Variants in SIGLEC12 observed in about 807,000 individuals in gnomAD.
SIGLEC12 encodes the protein sialic acid binding Ig like lectin 12.
SIGLEC12 carries 43 observed loss-of-function variants against 54.1 expected under a neutral mutation model. The observed-to-expected ratio is 0.80, with a 90% CI of 0.62 to 1.03. The LOEUF (loss-of-function observed/expected upper bound fraction) is 1.03. SIGLEC12 is among the 50% of genes least tolerant of loss of function. The pLI is 0.00. For synonymous variants in SIGLEC12, 357 were observed against 307.6 expected (o/e 1.16, Z -1.68); for missense variants, 802 against 735.2 (o/e 1.09, Z -1.05).
rs575832383 is a variant in SIGLEC12, at chr19:51,500,088, C to T, written c.640G>A (p.Glu214Lys). 5 of 1,614,170 alleles carry T rather than the reference C, an allele frequency of 3.1e-6. No homozygotes were observed. In the African/African-American group the frequency reaches 5.3e-5, roughly 17 times the overall value. Reference sequence around the variant, plus strand: ...AGGAGGAATCGACCGTGGGTATCCTCTTGCACTTTTCCACTTGGGGTGTTT... The same window carrying T: ...AGGAGGAATCGACCGTGGGTATCCTTTTGCACTTTTCCACTTGGGGTGTTT... ...ATNTPSGKVQ[E>K]DTHGRFLLLG... is the part of the protein sequence containing the mutation. The change falls in exon 2 of 8, where the codon GAG (glutamate) becomes AAG (lysine). Residue 214 changes from glutamate to lysine, a missense_variant. Transcript: ENST00000291707.
At chr19:51,492,835 A>C (rs1990143576) in intron 7 of SIGLEC12, among the ~76,000 whole-genome samples, 3 of 152,170 alleles carry the variant, frequency 2.0e-5, no homozygotes, top group Admixed American at 1.3e-4. Flanking sequence ...GCCCAGTGAC[A>C]CCCATTTTGG....
At chr19:51,492,373 G>A (rs904144802) in intron 7 of SIGLEC12, among the ~76,000 whole-genome samples, 14 of 152,218 alleles carry the variant, frequency 9.2e-5, no homozygotes, top group African/African-American at 2.9e-4. Context: ...GAGAATTACA[G>A]GGCCTTGATT....
chr19:51,497,881 CT>C, intron 5 of SIGLEC12, 136 bp downstream of exon 5: 1 of 1,269,286 alleles, frequency 7.9e-7, no homozygotes, highest in Non-Finnish European at 1.1e-6. Context: ...AACTCCTCCC[CT>C]CTCCCCACCC....
In SIGLEC12 at chr19:51,501,332, A is replaced by T. The variant is rs747366992; in HGVS notation, c.402T>A (p.Tyr134Ter). The T allele has an allele frequency of 2.5e-6, 4 of 1,614,202 alleles. No individual in the cohort carries two copies. Among genetic ancestry groups the T allele is most frequent in the Non-Finnish European group, 3.4e-6 (4 of 1,180,030 alleles). The change falls in exon 1 of 8, where the codon TAT becomes TAA. Residue 134 changes from tyrosine (Y) to a stop codon, truncating the protein, a stop_gained. Transcript: ENST00000291707. LOFTEE classifies it high-confidence loss of function. ...ERGNMKWNYKYDQLSVNVTAS... is the reference protein window; with the variant it reads ...ERGNMKWNYK ...CTGTCACATTCACAGAGAGCTGGTCATATTTATAATTCCATTTCATATTTC... is the reference window on the plus strand; with the variant it reads ...CTGTCACATTCACAGAGAGCTGGTCTTATTTATAATTCCATTTCATATTTC...
In SIGLEC12 at chr19:51,501,404, G is replaced by T. The variant is rs753364970; in HGVS notation, c.330C>A (p.Asp110Glu). The T allele has an allele frequency of 6.2e-7, 1 of 1,614,196 alleles. No homozygotes were observed. The change falls in exon 1 of 8, where the codon GAC becomes GAA. Residue 110 changes from aspartate (D) to glutamate (E), a missense_variant. By Grantham distance (45) the Asp-to-Glu change is conservative (BLOSUM62 2). Transcript: ENST00000291707. ...ATGTCCCTGCATCACTCTCTCTGGT[G>T]TCTCTGATGCTCAGGGTACAATCCT... ...QNKDCTLSIR[D>E]TRESDAGTYV...
In SIGLEC12 at chr19:51,501,443, C is replaced by T. The variant is rs1990393366; in HGVS notation, c.291G>A (p.Gly97=). The T allele has an allele frequency of 8.1e-6, 13 of 1,614,062 alleles. No individual in the cohort carries two copies. The highest frequency in any genetic ancestry group is 1.6e-4 in the Middle Eastern group (1 of 6,084). ...GGGTACAATCCTTGTTCTGTGGGTC[C>T]CCAAGGAGGTGGAATCGGTCCCGAG... ...EETRDRFHLL[G]DPQNKDCTLS... is the part of the protein sequence containing the mutation. Residue 97 remains glycine (G), a synonymous_variant, in exon 1 of 8, where the codon GGG becomes GGA. Coordinates refer to ENST00000291707, the MANE Select transcript of SIGLEC12 (RefSeq NM_053003.4).
chr19:51,497,747 G>A (rs972420216), intron 5 of SIGLEC12, among the ~76,000 whole-genome samples: 1 of 152,178 alleles, frequency 6.6e-6, no homozygotes, highest in African/African-American at 2.4e-5. Context: ...TTTATTTTTG[G>A]TTCTTAAATT....
Position 51,498,396 on chromosome 19 carries a change from G to A in SIGLEC12, c.1136-109C>T. The A allele has an allele frequency of 4.1e-6, 4 of 963,918 alleles. No homozygotes were observed. In the South Asian group the frequency reaches 5.3e-5, roughly 13 times the overall value. 59.7% of individuals were successfully genotyped at this position (963,918 alleles called of 1,614,324 possible). ...AACAGACACTGATACATGCTGAATT[G>A]TAGGGACATATGCACGTTCACTGCT... On this transcript the variant is annotated intron_variant, in intron 4 of 7. Transcript: ENST00000291707.
chr19:51,501,179 G>C (rs1990383411), intron 1 of SIGLEC12, 128 bp downstream of exon 1: 2 of 999,028 alleles, frequency 2.0e-6, no homozygotes, highest in African/African-American at 3.2e-5. Context: ...GGAAGCTCAG[G>C]CTCTGGTCCA....
chr19:51,497,021 G>T (rs2122214863), intron 6 of SIGLEC12, 45 bp from the exon 7 acceptor site: 4 of 1,612,080 alleles, frequency 2.5e-6, no homozygotes, highest in Non-Finnish European at 2.5e-6. Context: ...TCAGATCGGG[G>T]TGCAGTGGGC....
Position 51,500,307 on chromosome 19 carries a change from A to C in SIGLEC12, c.428-7T>G. 6.2e-7 allele frequency: 1 copy of C among 1,614,092 alleles called. No individual in the cohort carries two copies. The highest frequency in any genetic ancestry group is 8.5e-7 in the Non-Finnish European group (1 of 1,179,992). ...GACAGTAGGTCCTGGGACGCTGTGG[A>C]GAAACGAGGGTCAGCCCAGCCCCCA... On this transcript the variant is annotated splice_polypyrimidine_tract_variant and splice_region_variant and intron_variant, in intron 1 of 7. Coordinates refer to ENST00000291707, the MANE Select transcript of SIGLEC12 (RefSeq NM_053003.4).
chr19:51,492,126 A>G (rs1990121308), intron 7 of SIGLEC12, among the ~76,000 whole-genome samples: 1 of 152,100 alleles, frequency 6.6e-6, no homozygotes, highest in Non-Finnish European at 1.5e-5. Flanking sequence ...TCCCTCTTAT[A>G]CCGGGACCCA....
Position 51,491,778 on chromosome 19 carries a change from G to A in SIGLEC12, c.1651C>T (p.Pro551Ser). The change falls in exon 8 of 8, where the codon CCA (proline) becomes TCA (serine). Residue 551 changes from proline (P) to serine (S), a missense_variant. By Grantham distance (74) the Pro-to-Ser change is moderately conservative (BLOSUM62 -1). Coordinates refer to ENST00000291707, the MANE Select transcript of SIGLEC12 (RefSeq NM_053003.4). Reference protein sequence around the residue: ...ADDSPPHHAPPALATPSPEEG... With the variant: ...ADDSPPHHAPSALATPSPEEG... ...TCTGGGGAGGGGGTGGCCAGGGCTG[G>A]CGGAGCATGGTGTGGGGGGCTGTCA... 6.2e-7 allele frequency: 1 copy of A among 1,607,110 alleles called. No individual in the cohort carries two copies. The highest frequency in any genetic ancestry group is 8.5e-7 in the Non-Finnish European group (1 of 1,176,438).
intron 7 of SIGLEC12, among the ~76,000 whole-genome samples, chr19:51,494,962 G>A (rs1217170785): frequency 4.6e-5 from 7 of 152,162 alleles, no homozygotes; most frequent in Admixed American, 1.3e-4. Flanking sequence ...AGTGGCTGCA[G>A]GAGGATGAAG....
chr19:51,497,068 T>C, intron 6 of SIGLEC12, 92 bp from the exon 7 acceptor site: 2 of 1,597,984 alleles, frequency 1.3e-6, no homozygotes, highest in Non-Finnish European at 1.7e-6. Flanking sequence ...ATTGGGGAGC[T>C]GGAGGGGTAA....
In SIGLEC12 at chr19:51,496,216, T is replaced by A. The variant is rs548432666; in HGVS notation, c.1599+664A>T. On this transcript the variant is annotated intron_variant, in intron 7 of 7. Coordinates refer to ENST00000291707, the MANE Select transcript of SIGLEC12 (RefSeq NM_053003.4). ...TGGGCGCGGTGGCTCACGCCTATAA[T>A]CCCAGCACTTTGGGAAGCTGAGGCA... is the stretch of plus-strand genomic sequence containing the variant. Among the ~76,000 whole-genome samples the A allele has an allele frequency of 2.0e-5, 3 of 152,348 alleles. No individual in the cohort carries two copies. The East Asian group carries it at 5.8e-4, about 29-fold the overall frequency.
rs1329613716 is a variant in SIGLEC12, at chr19:51,500,203, G to A, written c.525C>T (p.Tyr175=). The change falls in exon 2 of 8, where the codon TAC becomes TAT. Residue 175 remains tyrosine (Y), a synonymous_variant. Coordinates refer to ENST00000291707, the MANE Select transcript of SIGLEC12 (RefSeq NM_053003.4). The stretch of plus-strand genomic sequence containing the variant: ...TAGAGGCAGTCCAGTTGTAATGGGG[G>A]TAAAGGACACTGCAGGGCACAGAGA... ...LCVSVPCSVL[Y]PHYNWTASSP... The A allele has an allele frequency of 3.7e-6, 6 of 1,614,122 alleles. No homozygotes were observed. Among genetic ancestry groups the A allele is most frequent in the South Asian group, 3.3e-5 (3 of 91,086 alleles).
At position 51,491,821 on chromosome 19, in the gene SIGLEC12, CA is replaced by C. The variant is rs1312911155; in HGVS notation, c.1607del (p.Leu536ArgfsTer70). ...AVRGSASQGPLIESPADDSPP... is the reference protein window; with the variant it reads ...AVRGSASQGPXIESPADDSPP... ...GGCTGTCATCTGCCGGGGATTCAAT[CA>C]GGGGTCCCTGAATGGAGGAAGAGAA... is the stretch of plus-strand genomic sequence containing the variant. On this transcript the variant is annotated frameshift_variant, in exon 8 of 8. Transcript: ENST00000291707. LOFTEE classifies it low-confidence loss of function (END_TRUNC). The C allele has an allele frequency of 5.1e-6, 8 of 1,565,370 alleles. No individual in the cohort carries two copies. Among genetic ancestry groups the C allele is most frequent in the Non-Finnish European group, 6.9e-6 (8 of 1,157,882 alleles).
rs1990105472 is a variant in SIGLEC12, at chr19:51,491,722, G to A, written c.1707C>T (p.Ser569=). Residue 569 remains serine (S), a synonymous_variant, in exon 8 of 8, where the codon AGC becomes AGT. Coordinates refer to ENST00000291707, the MANE Select transcript of SIGLEC12 (RefSeq NM_053003.4). ...GGTACTGAGGCCTCGCTTTGTGGAA[G>A]CTGAGGGATGCATACTGGATCTCTC... ...EEGEIQYASL[S]FHKARPQYPQ... 2 of 1,613,912 alleles carry A rather than the reference G, an allele frequency of 1.2e-6. No individual in the cohort carries two copies. The highest frequency in any genetic ancestry group is 1.7e-5 in the Admixed American group (1 of 60,006).
Sources: allele counts gnomAD v4.1 joint callset (sites outside exome capture counted in the v4.1 genomes callset), GRCh38; gene constraint gnomAD v4.1.1; transcripts MANE v1.5; gene names NCBI Gene and HGNC (gene_info 2026-07-23, HGNC 2026-07-21).